The following ARL17B variants were observed in gnomAD, a reference collection of about 807,000 sequenced individuals.
ARL17B encodes the protein ARF like GTPase 17B, also known as ADP-ribosylation factor-like protein 17.
intron 3 of ARL17B, among the ~76,000 whole-genome samples, chr17:46,327,881 C>T (rs1272826865): frequency 2.3e-5 from 1 of 42,690 alleles, no homozygotes; most frequent in East Asian, 3.9e-4. Flanking sequence ...TATGTGGTAA[C>T]TTATTGTTGT....
chr17:46,275,783 G>A (rs1228865820), intron 4 of ARL17B, among the ~76,000 whole-genome samples: 1 of 152,162 alleles, frequency 6.6e-6, no homozygotes, highest in East Asian at 1.9e-4. Context: ...ACACGGATGA[G>A]GGGAATATAA....
At chr17:46,340,999 T>C (rs1433139481) in intron 3 of ARL17B, among the ~76,000 whole-genome samples, 1 of 72,498 alleles carries the variant, frequency 1.4e-5, no homozygotes, top group African/African-American at 4.5e-5. Context: ...CCTTGGTCTC[T>C]CAACGTACTG....
chr17:46,279,506 T>C (rs11656177), intron 4 of ARL17B, among the ~76,000 whole-genome samples: 9,975 of 117,250 alleles, frequency 0.085, no homozygotes, highest in Middle Eastern at 0.17. Context: ...CTTTCTTTTT[T>C]TTTTTTTTTT....
At chr17:46,327,430 CA>C (rs750276868) in intron 3 of ARL17B, among the ~76,000 whole-genome samples, 2 of 13,730 alleles carry the variant, frequency 1.5e-4, no homozygotes, top group African/African-American at 2.0e-4. Flanking sequence ...TACAAAAGTA[CA>C]AAAAAAAAAA....
chr17:46,284,363 CT>C (rs1351441090), intron 4 of ARL17B, among the ~76,000 whole-genome samples: 1 of 152,264 alleles, frequency 6.6e-6, no homozygotes, highest in Non-Finnish European at 1.5e-5. Flanking sequence ...CTTCAAGCAT[CT>C]GTTTAACAAA....
chr17:46,287,397 A>C (rs1260990834), intron 4 of ARL17B, among the ~76,000 whole-genome samples: 1 of 152,258 alleles, frequency 6.6e-6, no homozygotes, highest in Non-Finnish European at 1.5e-5. Flanking sequence ...AGGTTTAAAA[A>C]TGTATCTCAC....
chr17:46,317,149 GGCC>G (rs1567871457), intron 3 of ARL17B, among the ~76,000 whole-genome samples: 5 of 89,164 alleles, frequency 5.6e-5, no homozygotes, highest in East Asian at 2.3e-4. Context: ...ATGGGGTGGC[GGCC>G]GGGCAGAGGC....
chr17:46,282,127 G>T (rs1484348292), intron 4 of ARL17B, among the ~76,000 whole-genome samples: 2 of 151,922 alleles, frequency 1.3e-5, no homozygotes, highest in Admixed American at 1.3e-4. Context: ...TTTTGAGACG[G>T]AGTCTCGCTC....
chr17:46,291,985 A>AAAAC (rs1360524355), intron 4 of ARL17B, among the ~76,000 whole-genome samples: 10 of 76,662 alleles, frequency 1.3e-4, no homozygotes, highest in Admixed American at 8.9e-4. Flanking sequence ...AAAAAAAAAA[A>AAAAC]AAGCCAATAA....
chr17:46,330,968 G>C (rs138752722), downstream of ARL17B: 647 of 724,144 alleles, frequency 8.9e-4, 191 homozygotes, highest in African/African-American at 0.011. Flanking sequence ...GGGAAACGCC[G>C]TCTACACCAA....
chr17:46,278,782 A>G (rs1416135883), intron 4 of ARL17B, among the ~76,000 whole-genome samples: 2 of 151,640 alleles, frequency 1.3e-5, no homozygotes, highest in Non-Finnish European at 2.9e-5. Flanking sequence ...AAAGTTGAAA[A>G]CCAATGTCAT....
At chr17:46,274,429 C>A (rs1281483167), downstream of ARL17B, among the ~76,000 whole-genome samples, 2 of 152,176 alleles carry the variant, frequency 1.3e-5, no homozygotes, top group African/African-American at 2.4e-5. Flanking sequence ...TTTAATCTAC[C>A]ATGAACAATA....
At chr17:46,282,464 G>C (rs1222087389) in intron 4 of ARL17B, among the ~76,000 whole-genome samples, 1 of 151,472 alleles carries the variant, frequency 6.6e-6, no homozygotes, top group East Asian at 1.9e-4. Context: ...ACCCAGGCTG[G>C]GGTGGAGTGG....
rs1192420866 is a variant in ARL17B at position 46,316,615 on chromosome 17, T to G, written c.260-16950A>C. Among the ~76,000 whole-genome samples the G allele has an allele frequency of 1.7e-4, 13 of 75,200 alleles. 1 individual carries two copies. The highest frequency in any genetic ancestry group is 4.5e-4 in the African/African-American group (13 of 28,842). 49.3% of individuals were successfully genotyped at this position (75,200 alleles called of 152,430 possible). A position where few individuals can be genotyped will look rare whatever the true frequency, so the allele number is the denominator to read the frequency against. Reference sequence around the variant, plus strand: ...CATGCCCAGTTTTTTTTGTTTTTGTTTTTTTTAATTTTTTTTTATTGATCA... The same window carrying G: ...CATGCCCAGTTTTTTTTGTTTTTGTGTTTTTTAATTTTTTTTTATTGATCA... On this transcript the variant is annotated intron_variant, in intron 3 of 4. Transcript: ENST00000434041.
rs1358793137 is a variant in ARL17B, at chr17:46,339,245, T to C, written c.*255A>G. On this transcript the variant is annotated 3_prime_UTR_variant, in exon 4 of 4. Transcript: ENST00000450673. ...CCTAGGAGAAAAGAAAAATGATAAA[T>C]TAACAAAGGACAATGCTCTTAGCAC... 1.8e-4 allele frequency among the ~76,000 whole-genome samples: 15 copies of C among 85,480 alleles called. No individual in the cohort carries two copies. The highest frequency in any genetic ancestry group is 4.7e-4 in the African/African-American group (15 of 31,890). 56.1% of individuals were successfully genotyped at this position (85,480 alleles called of 152,430 possible). A position where few individuals can be genotyped will look rare whatever the true frequency, so the allele number is the denominator to read the frequency against.
chr17:46,283,459 T>C (rs1453685823), intron 4 of ARL17B, among the ~76,000 whole-genome samples: 1 of 152,258 alleles, frequency 6.6e-6, no homozygotes, highest in African/African-American at 2.4e-5. Flanking sequence ...AGATTCCCAG[T>C]TGAGTCACTA....
chr17:46,285,518 G>T (rs1285262878), intron 4 of ARL17B, among the ~76,000 whole-genome samples: 1 of 152,174 alleles, frequency 6.6e-6, no homozygotes, highest in Non-Finnish European at 1.5e-5. Flanking sequence ...TGGGATTACA[G>T]GTGTGAGCCC....
chr17:46,277,492 C>T (rs1212784409), intron 4 of ARL17B, among the ~76,000 whole-genome samples: 1 of 152,180 alleles, frequency 6.6e-6, no homozygotes, highest in Non-Finnish European at 1.5e-5. Flanking sequence ...GAGGAATAAC[C>T]ACCATGTACA....
At position 46,300,026 on chromosome 17, in the gene ARL17B, T is replaced by G. The variant is rs1474162773; in HGVS notation, c.260-361A>C. On this transcript the variant is annotated intron_variant, in intron 3 of 4. Transcript: ENST00000434041. ...ATTGTATGGTCATTTTAAAATTAAA[T>G]TTGGTAGGCTCTCTTTAAAATAAGA... 1.1e-4 allele frequency among the ~76,000 whole-genome samples: 4 copies of G among 35,206 alleles called. 1 individual carries two copies. Among genetic ancestry groups the G allele is most frequent in the Non-Finnish European group, 3.9e-4 (4 of 10,270 alleles). 23.1% of individuals were successfully genotyped at this position (35,206 alleles called of 152,430 possible).
Sources: gnomAD v4.1 joint callset for allele counts (sites outside exome capture counted in the v4.1 genomes callset) on GRCh38, gnomAD v4.1.1 for gene constraint, MANE v1.5 for transcripts, NCBI Gene and HGNC (gene_info 2026-07-23, HGNC 2026-07-21) for gene names.